Variants in SKIDA1 observed in about 807,000 individuals in gnomAD.
SKIDA1 encodes SKI/DACH domain-containing protein 1.
In SKIDA1, 18 loss-of-function variants were observed where a neutral mutation model predicts 51.4. The ratio of observed to expected loss-of-function variants is 0.35; its 90% CI spans 0.24 to 0.52. SKIDA1 has a LOEUF of 0.52. Ranked by LOEUF, SKIDA1 falls within the 20% of genes least tolerant of loss-of-function variation. The pLI is 0.95. For synonymous variants in SKIDA1, 579 were observed against 500.5 expected (o/e 1.16, Z -2.09); for missense variants, 1,104 against 1,180.6 (o/e 0.94, Z 0.95).
At chr10:21,520,957 A>T (rs1179144363) in intron 3 of SKIDA1, among the ~76,000 whole-genome samples, 2 of 152,076 alleles carry the variant, frequency 1.3e-5, no homozygotes, top group Non-Finnish European at 2.9e-5. Context: ...ACTATTACAC[A>T]TCTTTCTTCG....
intron 2 of SKIDA1, among the ~76,000 whole-genome samples, chr10:21,522,291 CG>C (rs2032424447): frequency 7.7e-5 from 4 of 52,216 alleles, no homozygotes; most frequent in African/African-American, 1.2e-4. Context: ...CCCCCCCCCC[CG>C]CCACCAGCTC....
In SKIDA1 at chr10:21,517,124, A is replaced by G. The variant is rs868442911; in HGVS notation, c.699T>C (p.Ala233=). ...PAAAAAAAAA[A]AAAAAAAAAA... The stretch of plus-strand genomic sequence containing the variant: ...CGGCGGCGGCGGCGGCGGCGGCAGC[A>G]GCGGCGGCGGCGGCGGCGGCGGCGG... Residue 233 remains alanine, a synonymous_variant, in exon 4 of 4, where the codon GCT becomes GCC. Coordinates refer to ENST00000449193, the MANE Select transcript of SKIDA1 (RefSeq NM_207371.4). The surrounding 1 kb of genome is among the most constrained non-coding windows in gnomAD (Gnocchi z 6.9). The G allele has an allele frequency of 8.1e-3, 8,473 of 1,041,566 alleles. 143 individuals are homozygous for G. Among genetic ancestry groups the G allele is most frequent in the African/African-American group, 0.072 (3,852 of 53,364 alleles). 64.5% of individuals were successfully genotyped at this position (1,041,566 alleles called of 1,614,324 possible).
At chr10:21,519,810 C>T (rs1267884023) in intron 3 of SKIDA1, among the ~76,000 whole-genome samples, 152 bp from the exon 4 acceptor site, 2 of 152,162 alleles carry the variant, frequency 1.3e-5, no homozygotes, top group Non-Finnish European at 2.9e-5. Flanking sequence ...GGTAGTTTGC[C>T]TGACAAGATG....
chr10:21,524,468 G>C (rs140557345), intron 1 of SKIDA1, among the ~76,000 whole-genome samples: 1 of 151,812 alleles, frequency 6.6e-6, no homozygotes, highest in African/African-American at 2.4e-5. Flanking sequence ...CGGGGTATTT[G>C]TAAGTTTTCT....
Position 21,515,034 on chromosome 10 carries a change from C to T in SKIDA1, c.*62G>A, listed in dbSNP as rs1044053885. 5.0e-5 allele frequency: 74 copies of T among 1,485,790 alleles called. No homozygotes were observed. The highest frequency in any genetic ancestry group is 6.6e-5 in the Non-Finnish European group (74 of 1,119,502). 92.0% of individuals were successfully genotyped at this position (1,485,790 alleles called of 1,614,324 possible). On this transcript the variant is annotated 3_prime_UTR_variant, in exon 4 of 4. Coordinates refer to ENST00000449193, the MANE Select transcript of SKIDA1 (RefSeq NM_207371.4). ...ACATTAATGGACTTGTACAAACCAT[C>T]CTGTGCAGTTTACAACAAAAGGAAG...
At position 21,516,878 on chromosome 10, in the gene SKIDA1, C is replaced by CGGCG; in HGVS notation, c.944_945insCGCC (p.Ala317GlyfsTer123). ...CCAGGCAAGTGGCCCCCGCGGCGGC[C>CGGCG]GCCGCCGCCGCTGCCGCCGCCGCCG... On this transcript the variant is annotated frameshift_variant, in exon 4 of 4. Coordinates refer to ENST00000449193, the MANE Select transcript of SKIDA1 (RefSeq NM_207371.4). LOFTEE classifies it high-confidence loss of function. This position sits in a 1 kb window ranked among gnomAD's most constrained non-coding sequence, Gnocchi z 5.7. The CGGCG allele has an allele frequency of 8.7e-7, 1 of 1,151,846 alleles. No individual in the cohort carries two copies. 71.4% of individuals were successfully genotyped at this position (1,151,846 alleles called of 1,614,324 possible). A position where few individuals can be genotyped will look rare whatever the true frequency, so the allele number is the denominator to read the frequency against.
At position 21,517,997 on chromosome 10, in the gene SKIDA1, A is replaced by AT. The variant is rs2032293434; in HGVS notation, c.-176dup. 1.9e-6 allele frequency: 1 copy of AT among 522,118 alleles called. No individual in the cohort carries two copies. The highest frequency in any genetic ancestry group is 4.1e-5 in the South Asian group (1 of 24,436). The allele number at this position is 522,118 out of a possible 1,614,324, so 32.3% of individuals were successfully genotyped here. On this transcript the variant is annotated 5_prime_UTR_variant, in exon 4 of 4. The change abolishes the stop of an existing upstream ORF in the 5' untranslated region. Coordinates refer to ENST00000449193, the MANE Select transcript of SKIDA1 (RefSeq NM_207371.4). This position sits in a 1 kb window ranked among gnomAD's most constrained non-coding sequence, Gnocchi z 6.9. ...GAAGTGCCAAACTCTAGGCGAAATT[A>AT]TTGGGGGGGGGGAAACCCCATGAAA...
chr10:21,525,279 A>G (rs2032665611), intron 1 of SKIDA1, among the ~76,000 whole-genome samples: 1 of 152,204 alleles, frequency 6.6e-6, no homozygotes, highest in Non-Finnish European at 1.5e-5. Context: ...ACTGTTTGCT[A>G]ATAGAAGAAA....
In SKIDA1 at chr10:21,516,065, G is replaced by T. The variant is rs1347535934; in HGVS notation, c.1758C>A (p.Asn586Lys). The T allele has an allele frequency of 6.2e-7, 1 of 1,613,936 alleles. No homozygotes were observed. Among genetic ancestry groups the T allele is most frequent in the African/African-American group, 1.3e-5 (1 of 74,930 alleles). The change falls in exon 4 of 4, where the codon AAC becomes AAA. Residue 586 changes from asparagine (N) to lysine (K), a missense_variant. By Grantham distance (94) the Asn-to-Lys change is moderately conservative (BLOSUM62 0). Transcript: ENST00000449193. The surrounding 1 kb of genome is among the most constrained non-coding windows in gnomAD (Gnocchi z 5.7). ...EGASSPSPKT[N>K]NAFPQQRILR... ...GTATTCTTTGTTGTGGAAATGCATT[G>T]TTTGTCTTTGGGCTAGGTGAAGAGG...
intron 1 of SKIDA1, among the ~76,000 whole-genome samples, chr10:21,524,398 A>G (rs2032562711): frequency 6.6e-6 from 1 of 152,196 alleles, no homozygotes; most frequent in South Asian, 2.1e-4. Context: ...AGACATATCT[A>G]TTATTTCTTG....
In SKIDA1 at chr10:21,525,648, T is replaced by C. The variant is rs2032711140; in HGVS notation, c.-2219A>G. On this transcript the variant is annotated 5_prime_UTR_variant, in exon 1 of 4. Transcript: ENST00000449193. ...GGGGAGGAGAGAGGAGAGGGAGGAG[T>C]AAATTCAACCACCCCCACTTGTTGT... is the stretch of plus-strand genomic sequence containing the variant. 1 of 151,360 alleles carries C rather than the reference T, an allele frequency of 6.6e-6. No individual in the cohort carries two copies. Among genetic ancestry groups the C allele is most frequent in the South Asian group, 2.1e-4 (1 of 4,768 alleles). The allele number at this position is 151,360 out of a possible 1,614,324, so 9.4% of individuals were successfully genotyped here.
At position 21,518,947 on chromosome 10, in the gene SKIDA1, T is replaced by C. The variant is rs1451871564; in HGVS notation, c.-1125A>G. On this transcript the variant is annotated 5_prime_UTR_variant, in exon 4 of 4. Transcript: ENST00000449193. The stretch of plus-strand genomic sequence containing the variant: ...TCAAGGCTCCAGCTCCGAAACACTG[T>C]AACAATTCAACTGGATTTCGGTTCT... 1 of 166,512 alleles carries C rather than the reference T, an allele frequency of 6.0e-6. No homozygotes were observed. The highest frequency in any genetic ancestry group is 1.5e-5 in the Non-Finnish European group (1 of 68,086). The allele number at this position is 166,512 out of a possible 1,614,324, so 10.3% of individuals were successfully genotyped here. A position where few individuals can be genotyped will look rare whatever the true frequency, so the allele number is the denominator to read the frequency against.
chr10:21,515,700 T>C lies in SKIDA1; in HGVS notation c.2123A>G (p.Lys708Arg), dbSNP rs1402236218. The C allele has an allele frequency of 6.2e-7, 1 of 1,613,938 alleles. No individual in the cohort carries two copies. Among genetic ancestry groups the C allele is most frequent in the Non-Finnish European group, 8.5e-7 (1 of 1,179,908 alleles). Residue 708 changes from lysine to arginine, a missense_variant, in exon 4 of 4, where the codon AAG becomes AGG. This residue lies in a region of SKIDA1 where 938 missense variants were observed against 886.4 expected (regional missense o/e 1.06). Coordinates refer to ENST00000449193, the MANE Select transcript of SKIDA1 (RefSeq NM_207371.4). ...YEPHLFTNKL[K>R]CECNDTKGEF... Reference sequence around the variant, plus strand: ...ACCCTTTGTATCATTGCACTCGCACTTTAGCTTATTTGTAAAAAGGTGAGG... The same window carrying C: ...ACCCTTTGTATCATTGCACTCGCACCTTAGCTTATTTGTAAAAAGGTGAGG...
chr10:21,513,628 A>T lies in SKIDA1; in HGVS notation c.*1468T>A, dbSNP rs1327256350. On this transcript the variant is annotated 3_prime_UTR_variant, in exon 4 of 4. Transcript: ENST00000449193. ...GCTAGACCCTAGCATTTGCATGTTG[A>T]ACTACTTTGATTTTAAGTGCAAATA... 6.6e-6 allele frequency: 1 copy of T among 152,640 alleles called. No homozygotes were observed. The highest frequency in any genetic ancestry group is 2.4e-5 in the African/African-American group (1 of 41,452). 9.5% of individuals were successfully genotyped at this position (152,640 alleles called of 1,614,324 possible).
In SKIDA1 at chr10:21,516,839, C is replaced by T; in HGVS notation, c.984G>A (p.Leu328=). 1.9e-6 allele frequency: 3 copies of T among 1,539,852 alleles called. No individual in the cohort carries two copies. Among genetic ancestry groups the T allele is most frequent in the Non-Finnish European group, 2.6e-6 (3 of 1,144,386 alleles). Residue 328 remains leucine, a synonymous_variant, in exon 4 of 4, where the codon CTG becomes CTA. Transcript: ENST00000449193. This position sits in a 1 kb window ranked among gnomAD's most constrained non-coding sequence, Gnocchi z 5.7. ...GCGGAGGCGGGCAGAAGCCGTTGAC[C>T]AGATGAAACCTCTCCAGGCAAGTGG... ...AGATCLERFH[L]VNGFCPPPHH...
In SKIDA1 at chr10:21,516,555, T is replaced by TCTTCC. The variant is rs1554771302; in HGVS notation, c.1267_1268insGGAAG (p.Glu423GlyfsTer125). ...GCTGCCCCCCTCCTCCTCCTCTTCC[T>TCTTCC]CCTCCTCCTCCTCTCCCTCCTCCTC... On this transcript the variant is annotated frameshift_variant, in exon 4 of 4. Transcript: ENST00000449193. LOFTEE classifies it high-confidence loss of function. This position sits in a 1 kb window ranked among gnomAD's most constrained non-coding sequence, Gnocchi z 5.7. 6.5e-7 allele frequency: 1 copy of TCTTCC among 1,547,316 alleles called. No individual in the cohort carries two copies. Among genetic ancestry groups the TCTTCC allele is most frequent in the South Asian group, 1.2e-5 (1 of 84,154 alleles).
At position 21,515,688 on chromosome 10, in the gene SKIDA1, T is replaced by A. The variant is rs558534623; in HGVS notation, c.2135A>T (p.Asn712Ile). ...ACTGTAAAACTCACCCTTTGTATCA[T>A]TGCACTCGCACTTTAGCTTATTTGT... ...LFTNKLKCEC[N>I]DTKGEFYSVT... is the part of the protein sequence containing the mutation. Residue 712 changes from asparagine to isoleucine, a missense_variant, in exon 4 of 4, where the codon AAT becomes ATT. By Grantham distance (149) the Asn-to-Ile change is moderately radical. Around this residue, in one of 3 missense-constraint regions of SKIDA1, gnomAD observed 938 missense variants for 886.4 expected, o/e 1.06. Transcript: ENST00000449193. 1 of 1,613,946 alleles carries A rather than the reference T, an allele frequency of 6.2e-7. No homozygotes were observed. The highest frequency in any genetic ancestry group is 8.5e-7 in the Non-Finnish European group (1 of 1,179,918).
chr10:21,514,184 C>T lies in SKIDA1; in HGVS notation c.*912G>A, dbSNP rs2032118626. 3 of 128,468 alleles carry T rather than the reference C, an allele frequency of 2.3e-5. No individual in the cohort carries two copies. The highest frequency in any genetic ancestry group is 2.4e-4 in the South Asian group (1 of 4,174). 8.0% of individuals were successfully genotyped at this position (128,468 alleles called of 1,614,324 possible). A position where few individuals can be genotyped will look rare whatever the true frequency, so the allele number is the denominator to read the frequency against. ...GAGCCAAGATTGTGCCACTGCACTC[C>T]AGCCTGGGCGACACAGCGAGACTCT... is the stretch of plus-strand genomic sequence containing the variant. On this transcript the variant is annotated 3_prime_UTR_variant, in exon 4 of 4. Coordinates refer to ENST00000449193, the MANE Select transcript of SKIDA1 (RefSeq NM_207371.4).
intron 3 of SKIDA1, among the ~76,000 whole-genome samples, chr10:21,521,120 C>T (rs2032383990): frequency 6.7e-6 from 1 of 149,446 alleles, no homozygotes; most frequent in Non-Finnish European, 1.5e-5. Flanking sequence ...CTTTCTTGGG[C>T]CATCAGCACA....
Sources: gnomAD v4.1 joint callset for allele counts (sites outside exome capture counted in the v4.1 genomes callset) on GRCh38, gnomAD v4.1.1 for gene constraint, gnomAD v4.1.1 regional missense constraint, Gnocchi (gnomAD v3.1) non-coding constraint, MANE v1.5 for transcripts, NCBI Gene and HGNC (gene_info 2026-07-23, HGNC 2026-07-21) for gene names.